The following ERC1 variants were observed in gnomAD, a reference collection of about 807,000 sequenced individuals.
ERC1 encodes the protein RAB6 interacting protein 2.
A neutral mutation model predicts 132.0 loss-of-function variants in ERC1; 56 were observed. The observed-to-expected ratio is 0.42, with a 90% confidence interval of 0.34 to 0.53. ERC1 has a LOEUF of 0.53. Ranked by LOEUF, ERC1 falls within the 20% of genes least tolerant of loss-of-function variation. The probability of loss-of-function intolerance (pLI) is 0.03; values close to 1 mark genes in which losing one functional copy is unlikely to be tolerated. For synonymous variants in ERC1, 478 were observed against 476.1 expected (o/e 1.00, Z -0.05); for missense variants, 1,202 against 1,349.9 (o/e 0.89, Z 1.72).
intron 1 of ERC1, among the ~76,000 whole-genome samples, chr12:1,006,964 GTA>G (rs1015875873): frequency 1.3e-5 from 2 of 149,444 alleles, no homozygotes; most frequent in African/African-American, 4.9e-5. Flanking sequence ...ATATAATATA[GTA>G]TATATATGGT....
intron 14 of ERC1, among the ~76,000 whole-genome samples, chr12:1,269,372 C>T (rs2077671757): frequency 6.6e-6 from 1 of 152,144 alleles, no homozygotes; most frequent in Admixed American, 6.5e-5. Flanking sequence ...AGAAGCTTAC[C>T]ATGTGACAAG....
intron 1 of ERC1, among the ~76,000 whole-genome samples, chr12:996,304 G>C (rs1197962460): frequency 8.2e-6 from 1 of 121,930 alleles, no homozygotes; most frequent in Non-Finnish European, 1.6e-5. Flanking sequence ...GTGTTTCACT[G>C]TGTTAGCCAG....
intron 7 of ERC1, among the ~76,000 whole-genome samples, chr12:1,131,348 G>C (rs544367315): frequency 1.3e-5 from 2 of 152,324 alleles, no homozygotes; most frequent in Admixed American, 1.3e-4. Flanking sequence ...AAGCCAAGAG[G>C]GGAATGATAG....
chr12:1,092,102 G>A (rs968304039), intron 3 of ERC1, among the ~76,000 whole-genome samples: 1 of 151,286 alleles, frequency 6.6e-6, no homozygotes, highest in African/African-American at 2.4e-5. Context: ...GGGTTCAAGC[G>A]ATTCTCCTGC....
At chr12:1,129,016 A>G (rs1379631226) in intron 7 of ERC1, among the ~76,000 whole-genome samples, 2 of 152,208 alleles carry the variant, frequency 1.3e-5, no homozygotes, top group Admixed American at 1.3e-4. Flanking sequence ...TAGGAGTTTC[A>G]GGAGTGGATA....
chr12:1,263,003 C>G (rs769430489), intron 13 of ERC1, 31 bp from the exon 14 acceptor site: 4 of 1,609,858 alleles, frequency 2.5e-6, no homozygotes, highest in East Asian at 4.5e-5. Flanking sequence ...AGTAATTAAT[C>G]CACTTCACCT....
chr12:1,171,717 G>A (rs1490365592), intron 8 of ERC1, among the ~76,000 whole-genome samples: 11 of 152,078 alleles, frequency 7.2e-5, no homozygotes, highest in African/African-American at 2.7e-4. Context: ...GTGAGCCAGG[G>A]GACTGCAAGA....
intron 15 of ERC1, among the ~76,000 whole-genome samples, chr12:1,336,165 T>G (rs1358673335): frequency 6.6e-6 from 1 of 152,146 alleles, no homozygotes; most frequent in African/African-American, 2.4e-5. Context: ...CTAGCCTATT[T>G]AGCAGTTTAT....
At chr12:1,364,285 A>G (rs535999238) in intron 15 of ERC1, among the ~76,000 whole-genome samples, 8 of 152,126 alleles carry the variant, frequency 5.3e-5, no homozygotes, top group African/African-American at 7.2e-5. Flanking sequence ...CCCTTGCAGA[A>G]TCTTCTAATC....
intron 12 of ERC1, among the ~76,000 whole-genome samples, chr12:1,233,719 T>C (rs2075224965): frequency 6.6e-6 from 1 of 152,052 alleles, no homozygotes; most frequent in African/African-American, 2.4e-5. Context: ...AGTCGTTGTA[T>C]GGAATAATTG....
intron 11 of ERC1, among the ~76,000 whole-genome samples, chr12:1,189,097 G>C (rs937083729): frequency 6.6e-6 from 1 of 151,754 alleles, no homozygotes; most frequent in Non-Finnish European, 1.5e-5. Flanking sequence ...TTTTCCAATA[G>C]AGATGGGGCC....
intron 12 of ERC1, among the ~76,000 whole-genome samples, chr12:1,222,246 A>G (rs1482381503): frequency 1.5e-5 from 2 of 135,944 alleles, no homozygotes; most frequent in African/African-American, 5.6e-5. Flanking sequence ...TTCTTTTTTG[A>G]GGAGACAGGG....
chr12:1,410,265 TGA>T, intron 17 of ERC1: 1 of 388,016 alleles, frequency 2.6e-6, no homozygotes, highest in Non-Finnish European at 5.1e-6. Context: ...AGAATCTGTA[TGA>T]GAGAGTCAAG....
rs563728209 is a variant in ERC1 at position 1,391,800 on chromosome 12, T to C, written c.2926-16349T>C. 1.3e-4 allele frequency among the ~76,000 whole-genome samples: 20 copies of C among 152,342 alleles called. 1 individual carries two copies. The highest frequency in any genetic ancestry group is 4.3e-4 in the African/African-American group (18 of 41,580). Reference sequence around the variant, plus strand: ...CCTTTCCTTTGGAGGCTTCTTTGGCTAGAGAGAGTGGGCTCCTGTTGAAGC... The same window carrying C: ...CCTTTCCTTTGGAGGCTTCTTTGGCCAGAGAGAGTGGGCTCCTGTTGAAGC... On this transcript the variant is annotated intron_variant, in intron 16 of 18. Coordinates refer to ENST00000360905, the MANE Select transcript of ERC1 (RefSeq NM_178040.4).
intron 7 of ERC1, among the ~76,000 whole-genome samples, chr12:1,118,716 G>A (rs1946723056): frequency 6.6e-6 from 1 of 152,148 alleles, no homozygotes. Flanking sequence ...CCCAGTAAAA[G>A]GCAGTTTATA....
intron 12 of ERC1, among the ~76,000 whole-genome samples, chr12:1,211,590 G>A (rs1034772977): frequency 6.6e-5 from 10 of 151,906 alleles, no homozygotes; most frequent in African/African-American, 1.7e-4. Context: ...ATGGAGTTTC[G>A]CTTTTGTCAC....
intron 12 of ERC1, among the ~76,000 whole-genome samples, chr12:1,231,844 A>G (rs769417196): frequency 6.6e-6 from 1 of 151,990 alleles, no homozygotes; most frequent in Non-Finnish European, 1.5e-5. Flanking sequence ...GGTTCTAGCG[A>G]TTCTCCTGCC....
chr12:1,424,862 A>AGCTAGC (rs1565411560), intron 17 of ERC1, among the ~76,000 whole-genome samples: 78 of 97,408 alleles, frequency 8.0e-4, no homozygotes, highest in African/African-American at 3.6e-3. Context: ...AGATAGATAG[A>AGCTAGC]TCGATAGATA....
chr12:1,036,108 A>G (rs1193600985), intron 2 of ERC1, among the ~76,000 whole-genome samples: 1 of 152,188 alleles, frequency 6.6e-6, no homozygotes, highest in African/African-American at 2.4e-5. Context: ...AATACTGTTT[A>G]ATATTATAGG....
Sources: gnomAD v4.1 joint callset for allele counts (sites outside exome capture counted in the v4.1 genomes callset) on GRCh38, gnomAD v4.1.1 for gene constraint, MANE v1.5 for transcripts, NCBI Gene and HGNC (gene_info 2026-07-23, HGNC 2026-07-21) for gene names.